CTDSPL2: variants seen among roughly 807,000 people sequenced by gnomAD.
CTDSPL2 encodes CTD small phosphatase like 2.
CTDSPL2 carries 5 observed loss-of-function variants against 60.0 expected under a neutral mutation model. That is an observed-to-expected ratio of 0.08 (90% CI 0.04 to 0.18). The LOEUF is 0.18. CTDSPL2 is among the 10% of genes least tolerant of loss of function. The pLI is 1.00. For missense variants in CTDSPL2, 370 were observed against 548.8 expected, an observed-to-expected ratio of 0.67 and a Z score of 3.26; for synonymous variants, 186 against 189.3, an observed-to-expected ratio of 0.98 and a Z score of 0.14.
intron 1 of CTDSPL2, among the ~76,000 whole-genome samples, chr15:44,456,871 T>TG (rs1209677410): frequency 2.0e-5 from 3 of 148,080 alleles, no homozygotes; most frequent in African/African-American, 7.7e-5. Flanking sequence ...TTTTTCTTTT[T>TG]TTTTTTGTTT....
intron 3 of CTDSPL2, among the ~76,000 whole-genome samples, chr15:44,485,860 A>T (rs562827524): frequency 1.3e-5 from 2 of 152,074 alleles, no homozygotes; most frequent in East Asian, 3.9e-4. Flanking sequence ...GAAAGAAACA[A>T]GTTAAAAGAA....
intron 2 of CTDSPL2, among the ~76,000 whole-genome samples, chr15:44,482,501 A>G (rs1178457910): frequency 6.6e-6 from 1 of 152,210 alleles, no homozygotes; most frequent in African/African-American, 2.4e-5. Context: ...GGAGGCTAGG[A>G]CTTAATGTAG....
intron 1 of CTDSPL2, among the ~76,000 whole-genome samples, chr15:44,450,865 T>C (rs1255829334): frequency 6.6e-6 from 1 of 152,162 alleles, no homozygotes; most frequent in Non-Finnish European, 1.5e-5. Context: ...CCCAAAGTGC[T>C]GGGATTACAG....
chr15:44,455,003 TA>T (rs1188258460), intron 1 of CTDSPL2, among the ~76,000 whole-genome samples: 2 of 152,340 alleles, frequency 1.3e-5, no homozygotes, highest in African/African-American at 2.4e-5. Flanking sequence ...ATTGAATCTA[TA>T]AATTACCTTG....
chr15:44,470,678 C>G (rs538864448), intron 2 of CTDSPL2: 1 of 152,228 alleles, frequency 6.6e-6, no homozygotes, highest in East Asian at 1.9e-4. Flanking sequence ...GAACTCCTGA[C>G]CACAGATGAT....
intron 2 of CTDSPL2, among the ~76,000 whole-genome samples, chr15:44,461,534 A>G (rs1241845972): frequency 6.8e-6 from 1 of 148,110 alleles, no homozygotes; most frequent in Non-Finnish European, 1.5e-5. Flanking sequence ...GACTACAGGC[A>G]TGTACCACCA....
intron 8 of CTDSPL2, among the ~76,000 whole-genome samples, chr15:44,502,208 G>A (rs1056864740): frequency 5.9e-5 from 9 of 151,872 alleles, no homozygotes; most frequent in Non-Finnish European, 1.2e-4. Context: ...GTTCCATAGC[G>A]TGTATCTGTA....
chr15:44,477,011 C>T (rs2080930276), intron 2 of CTDSPL2, among the ~76,000 whole-genome samples: 1 of 152,160 alleles, frequency 6.6e-6, no homozygotes, highest in Admixed American at 6.5e-5. Flanking sequence ...ATCGCTTGAG[C>T]CCAGGATTTC....
intron 2 of CTDSPL2, among the ~76,000 whole-genome samples, chr15:44,471,200 G>A (rs927901646): frequency 2.0e-5 from 3 of 151,940 alleles, no homozygotes; most frequent in Admixed American, 6.6e-5. Context: ...TCCCCTCCCC[G>A]AGTAGTATTC....
chr15:44,437,817 G>T (rs1056332917), intron 1 of CTDSPL2, among the ~76,000 whole-genome samples: 1 of 152,204 alleles, frequency 6.6e-6, no homozygotes, highest in Non-Finnish European at 1.5e-5. Flanking sequence ...GGTTTACACA[G>T]GTTTGAGGCT....
At chr15:44,512,416 A>G (rs1240862570) in intron 8 of CTDSPL2, among the ~76,000 whole-genome samples, 1 of 152,242 alleles carries the variant, frequency 6.6e-6, no homozygotes, top group Non-Finnish European at 1.5e-5. Flanking sequence ...GCAACAAGTA[A>G]AAGGTTCTGA....
At chr15:44,511,679 G>A (rs1046710545) in intron 8 of CTDSPL2, among the ~76,000 whole-genome samples, 2 of 151,916 alleles carry the variant, frequency 1.3e-5, no homozygotes, top group Non-Finnish European at 2.9e-5. Context: ...GACCAGCCTG[G>A]TCAACACGGT....
intron 1 of CTDSPL2, among the ~76,000 whole-genome samples, chr15:44,428,841 G>C (rs552824847): frequency 6.6e-6 from 1 of 152,274 alleles, no homozygotes; most frequent in African/African-American, 2.4e-5. Flanking sequence ...GAAATGGCGT[G>C]TTAAAGCTAG....
At position 44,427,650 on chromosome 15, in the gene CTDSPL2, A is replaced by G. The variant is rs2079771596; in HGVS notation, c.-147A>G. On this transcript the variant is annotated 5_prime_UTR_variant, in exon 1 of 13. Transcript: ENST00000260327. ...CGGTGCAGCAGGTCGGTAGGCGGGA[A>G]ATGGCGACTGGCTGAAGGAGCTGGT... The G allele has an allele frequency of 2.5e-6, 1 of 399,150 alleles. No individual in the cohort carries two copies. Among genetic ancestry groups the G allele is most frequent in the Non-Finnish European group, 4.4e-6 (1 of 226,270 alleles). 24.7% of individuals were successfully genotyped at this position (399,150 alleles called of 1,614,324 possible). A position where few individuals can be genotyped will look rare whatever the true frequency, so the allele number is the denominator to read the frequency against.
At chr15:44,500,605 A>G (rs2081369442) in intron 8 of CTDSPL2, among the ~76,000 whole-genome samples, 1 of 152,196 alleles carries the variant, frequency 6.6e-6, no homozygotes, top group African/African-American at 2.4e-5. Flanking sequence ...CAGCCTAAAG[A>G]TTAACTTAGT....
intron 8 of CTDSPL2, among the ~76,000 whole-genome samples, chr15:44,502,243 G>A (rs1319034982): frequency 2.6e-5 from 4 of 151,764 alleles, no homozygotes; most frequent in Non-Finnish European, 5.9e-5. Context: ...TAGTTTTATA[G>A]CATTTACATA....
In CTDSPL2 at chr15:44,499,833, T is replaced by C. The variant is rs768458275; in HGVS notation, c.969+20T>C. Reference sequence around the variant, plus strand: ...TATCAGGTAATTAAAATTTTTTTGATGATTTTTGGCCTGATAGGTAACATT... The same window carrying C: ...TATCAGGTAATTAAAATTTTTTTGACGATTTTTGGCCTGATAGGTAACATT... On this transcript the variant is annotated intron_variant, in intron 8 of 12. Coordinates refer to ENST00000260327, the MANE Select transcript of CTDSPL2 (RefSeq NM_016396.3). 14 of 1,485,446 alleles carry C rather than the reference T, an allele frequency of 9.4e-6. No homozygotes were observed. In the African/African-American group the frequency reaches 1.5e-4, roughly 16 times the overall value. 92.0% of individuals were successfully genotyped at this position (1,485,446 alleles called of 1,614,324 possible). A position where few individuals can be genotyped will look rare whatever the true frequency, so the allele number is the denominator to read the frequency against.
At chr15:44,469,898 C>A (rs1452434218) in intron 2 of CTDSPL2, among the ~76,000 whole-genome samples, 1 of 151,972 alleles carries the variant, frequency 6.6e-6, no homozygotes, top group Non-Finnish European at 1.5e-5. Context: ...GAGATCGAGA[C>A]CTTCCTGGCT....
chr15:44,508,479 T>C (rs2081509685), intron 8 of CTDSPL2, among the ~76,000 whole-genome samples: 1 of 152,164 alleles, frequency 6.6e-6, no homozygotes, highest in South Asian at 2.1e-4. Flanking sequence ...AAATAGCACC[T>C]ACCAGTCATC....
Sources: gnomAD v4.1 joint callset for allele counts (sites outside exome capture counted in the v4.1 genomes callset) on GRCh38, gnomAD v4.1.1 for gene constraint, MANE v1.5 for transcripts, NCBI Gene and HGNC (gene_info 2026-07-23, HGNC 2026-07-21) for gene names.